ALDH18A1: variants seen among roughly 807,000 people sequenced by gnomAD.
The protein encoded by ALDH18A1 is delta-1-pyrroline-5-carboxylate synthase.
In ALDH18A1, 44 loss-of-function variants were observed where a neutral mutation model predicts 88.8. The ratio of observed to expected loss-of-function variants is 0.50; its 90% CI spans 0.39 to 0.64. The LOEUF (loss-of-function observed/expected upper bound fraction) is 0.64, where lower values mean the gene tolerates loss of function less well. Ranked by LOEUF, ALDH18A1 falls within the 30% of genes least tolerant of loss-of-function variation. The pLI is 0.00. For missense variants in ALDH18A1, 782 were observed against 1,009.5 expected (o/e 0.77, Z 3.05); for synonymous variants, 331 against 372.1 (o/e 0.89, Z 1.27).
chr10:95,608,724 C>T (rs1589472138), intron 17 of ALDH18A1, among the ~76,000 whole-genome samples: 1 of 152,338 alleles, frequency 6.6e-6, no homozygotes, highest in South Asian at 2.1e-4. Context: ...TGGTCTCGAA[C>T]TCCCCGACTC....
intron 5 of ALDH18A1, among the ~76,000 whole-genome samples, chr10:95,636,505 C>T (rs571213719): frequency 6.6e-6 from 1 of 152,284 alleles, no homozygotes; most frequent in Admixed American, 6.5e-5. Flanking sequence ...ACCAAAAATT[C>T]GTAAGTCCCA....
At chr10:95,643,767 C>G (rs1375078305) in intron 2 of ALDH18A1, among the ~76,000 whole-genome samples, 1 of 151,744 alleles carries the variant, frequency 6.6e-6, no homozygotes, top group African/African-American at 2.4e-5. Context: ...TTAGATTTTC[C>G]AAGTTTATGC....
chr10:95,616,412 T>C, intron 13 of ALDH18A1, 65 bp downstream of exon 13: 1 of 1,549,200 alleles, frequency 6.5e-7, no homozygotes, highest in Non-Finnish European at 8.7e-7. Flanking sequence ...TAAGTTTTGC[T>C]TTAAATTCCC....
Position 95,644,942 on chromosome 10 carries a change from T to C in ALDH18A1, c.89-1736A>G, listed in dbSNP as rs538210730. 2.6e-5 allele frequency among the ~76,000 whole-genome samples: 4 copies of C among 152,292 alleles called. No homozygotes were observed. In the South Asian group the frequency reaches 6.2e-4, roughly 24 times the overall value. On this transcript the variant is annotated intron_variant, in intron 2 of 17. Transcript: ENST00000371224. ...GCTATTCTGGAAGCCCTGGACTGCC[T>C]ACCTTCTTGCAGGGCTGCTAGGCTT...
intron 15 of ALDH18A1, among the ~76,000 whole-genome samples, chr10:95,612,660 G>T (rs1340028033): frequency 6.6e-6 from 1 of 152,160 alleles, no homozygotes; most frequent in African/African-American, 2.4e-5. Context: ...GGAATTTCAA[G>T]GCCATCCTCA....
chr10:95,645,346 T>TTA (rs1330190205), intron 2 of ALDH18A1, among the ~76,000 whole-genome samples: 1 of 152,234 alleles, frequency 6.6e-6, no homozygotes, highest in Non-Finnish European at 1.5e-5. Flanking sequence ...TATAACTTTA[T>TTA]TAGAGAGTTA....
At chr10:95,630,897 C>T (rs542616995) in intron 7 of ALDH18A1, among the ~76,000 whole-genome samples, 3 of 152,318 alleles carry the variant, frequency 2.0e-5, no homozygotes, top group East Asian at 1.9e-4. Flanking sequence ...GTATCTCTGA[C>T]TTTCCACATG....
chr10:95,625,608 T>G (rs1456317897), intron 10 of ALDH18A1, among the ~76,000 whole-genome samples, 153 bp from the exon 11 acceptor site: 1 of 142,112 alleles, frequency 7.0e-6, no homozygotes, highest in Non-Finnish European at 1.6e-5. Flanking sequence ...CCATCACTTA[T>G]TCCCACCACT....
At chr10:95,619,007 T>C (rs1396071673) in intron 12 of ALDH18A1, among the ~76,000 whole-genome samples, 3 of 152,212 alleles carry the variant, frequency 2.0e-5, no homozygotes, top group Admixed American at 6.5e-5. Flanking sequence ...GAATAAAGTC[T>C]CAAAAATTAT....
intron 15 of ALDH18A1, among the ~76,000 whole-genome samples, chr10:95,613,214 C>G (rs1373115162): frequency 1.3e-5 from 2 of 152,180 alleles, no homozygotes; most frequent in Non-Finnish European, 2.9e-5. Context: ...AACTTACTGG[C>G]TTTTGGTTTG....
chr10:95,651,130 C>T (rs886674813), intron 2 of ALDH18A1, among the ~76,000 whole-genome samples: 1 of 151,362 alleles, frequency 6.6e-6, no homozygotes, highest in Non-Finnish European at 1.5e-5. Flanking sequence ...AAGACTCCAT[C>T]TCAAAAAACA....
intron 2 of ALDH18A1, among the ~76,000 whole-genome samples, chr10:95,649,416 G>A (rs1043887161): frequency 6.8e-6 from 1 of 147,104 alleles, no homozygotes; most frequent in African/African-American, 2.5e-5. Flanking sequence ...GTGCAGTGGC[G>A]CTATCTTGGC....
chr10:95,641,772 G>A (rs900318685), intron 3 of ALDH18A1, among the ~76,000 whole-genome samples: 5 of 152,122 alleles, frequency 3.3e-5, no homozygotes, highest in East Asian at 1.9e-4. Flanking sequence ...CCGAGTAGCC[G>A]GGGCCACAGG....
rs146561596 is a variant in ALDH18A1 at position 95,614,115 on chromosome 10, A to G, written c.1652T>C (p.Met551Thr). ...EVEDLCRLDKMIDLIIPRGSS... is the reference protein window; with the variant it reads ...EVEDLCRLDKTIDLIIPRGSS... The stretch of plus-strand genomic sequence containing the variant: ...GCCACGTGGAATGATCAGATCTATC[A>G]TTTTGTCTAGGCGGCAAAGATCTTC... The change falls in exon 14 of 18, where the codon ATG becomes ACG. Residue 551 changes from methionine (M) to threonine (T), a missense_variant. Met to Thr is a moderately conservative substitution (Grantham distance 81). Coordinates refer to ENST00000371224, the MANE Select transcript of ALDH18A1 (RefSeq NM_002860.4). The G allele has an allele frequency of 6.2e-7, 1 of 1,614,190 alleles. No homozygotes were observed. Among genetic ancestry groups the G allele is most frequent in the African/African-American group, 1.3e-5 (1 of 75,060 alleles).
At chr10:95,630,619 G>T in intron 7 of ALDH18A1, among the ~76,000 whole-genome samples, 1 of 152,116 alleles carries the variant, frequency 6.6e-6, no homozygotes, top group East Asian at 1.9e-4. Flanking sequence ...GGTGAGACAG[G>T]AGAATCGCTT....
At chr10:95,616,664 C>A in intron 12 of ALDH18A1, 50 bp from the exon 13 acceptor site, 1 of 1,577,382 alleles carries the variant, frequency 6.3e-7, no homozygotes, top group Non-Finnish European at 8.6e-7. Flanking sequence ...ACAGTAATAG[C>A]AACAGTGATG....
chr10:95,648,541 G>A (rs977628151), intron 2 of ALDH18A1, among the ~76,000 whole-genome samples: 1 of 152,108 alleles, frequency 6.6e-6, no homozygotes, highest in Non-Finnish European at 1.5e-5. Flanking sequence ...ATTAACAGGT[G>A]AGTCAATCTT....
intron 11 of ALDH18A1, 66 bp from the exon 12 acceptor site, chr10:95,621,317 T>TTTA: frequency 7.8e-7 from 1 of 1,281,180 alleles, no homozygotes; most frequent in South Asian, 1.3e-5. Flanking sequence ...CCAACCGATG[T>TTTA]GTCTTTTTTT....
intron 5 of ALDH18A1, among the ~76,000 whole-genome samples, chr10:95,635,949 T>C (rs2097879805): frequency 2.0e-5 from 3 of 151,030 alleles, no homozygotes; most frequent in Admixed American, 6.6e-5. Context: ...AGAAACCAAA[T>C]AATAAAGAAG....
Sources: gnomAD v4.1 joint callset for allele counts (sites outside exome capture counted in the v4.1 genomes callset) on GRCh38, gnomAD v4.1.1 for gene constraint, MANE v1.5 for transcripts, NCBI Gene and HGNC (gene_info 2026-07-23, HGNC 2026-07-21) for gene names.